LRP1B: variants seen among roughly 807,000 people sequenced by gnomAD.
LRP1B encodes low-density lipoprotein receptor-related protein 1B.
A neutral mutation model predicts 556.6 loss-of-function variants in LRP1B; 217 were observed. The ratio of observed to expected loss-of-function variants is 0.39; its 90% CI spans 0.35 to 0.44. The LOEUF is 0.44. Among genes scored for constraint, LRP1B ranks in the 20% least tolerant of loss-of-function variants. The pLI is 1.00. For synonymous variants in LRP1B, 2,047 were observed against 1,865.8 expected, an observed-to-expected ratio of 1.10 and a Z score of -2.50; for missense variants, 5,053 against 5,620.8, an observed-to-expected ratio of 0.90 and a Z score of 3.23.
chr2:140,381,230 A>G (rs1251651506), intron 67 of LRP1B, among the ~76,000 whole-genome samples: 1 of 152,258 alleles, frequency 6.6e-6, no homozygotes, highest in South Asian at 2.1e-4. Flanking sequence ...TCTTATTTGG[A>G]TAAAATAAAA....
At chr2:141,720,551 T>C (rs1291966762) in intron 2 of LRP1B, among the ~76,000 whole-genome samples, 11 of 152,122 alleles carry the variant, frequency 7.2e-5, no homozygotes, top group Admixed American at 7.2e-4. Flanking sequence ...CTCTTCAGTA[T>C]GAAGAGATGA....
chr2:141,649,837 AT>A (rs933088459), intron 2 of LRP1B, among the ~76,000 whole-genome samples: 60 of 152,342 alleles, frequency 3.9e-4, no homozygotes, highest in African/African-American at 1.4e-3. Context: ...GAAAATGAAT[AT>A]TAAAGTAAGT....
At chr2:141,309,122 G>A (rs1191040010) in intron 3 of LRP1B, among the ~76,000 whole-genome samples, 3 of 152,144 alleles carry the variant, frequency 2.0e-5, no homozygotes, top group East Asian at 3.8e-4. Flanking sequence ...GTGAGATACT[G>A]CCAGGATTCT....
In LRP1B at chr2:140,850,344, G is replaced by T. The variant is rs764518853; in HGVS notation, c.4712-15C>A. ...TTTTTTCATTTCTAAAAAAGAAATAGAAATTCTTTTCTCTTATGAAGTTGG... is the reference window on the plus strand; with the variant it reads ...TTTTTTCATTTCTAAAAAAGAAATATAAATTCTTTTCTCTTATGAAGTTGG... On this transcript the variant is annotated splice_polypyrimidine_tract_variant and intron_variant, in intron 28 of 90. Transcript: ENST00000389484. 18 of 1,492,620 alleles carry T rather than the reference G, an allele frequency of 1.2e-5. No homozygotes were observed. The highest frequency in any genetic ancestry group is 1.6e-5 in the Non-Finnish European group (17 of 1,084,214). 92.5% of individuals were successfully genotyped at this position (1,492,620 alleles called of 1,614,324 possible).
At chr2:142,080,024 A>G (rs1490369920) in intron 1 of LRP1B, among the ~76,000 whole-genome samples, 1 of 152,066 alleles carries the variant, frequency 6.6e-6, no homozygotes, top group Admixed American at 6.6e-5. Context: ...TTGCTTACAA[A>G]CATTGAAAAG....
At chr2:140,918,540 T>C (rs138402923) in intron 21 of LRP1B, among the ~76,000 whole-genome samples, 1 of 152,240 alleles carries the variant, frequency 6.6e-6, no homozygotes, top group Non-Finnish European at 1.5e-5. Flanking sequence ...AAGCAAAGTG[T>C]CTGCTTCCTG....
chr2:140,934,968 A>G (rs1695161052), intron 20 of LRP1B, among the ~76,000 whole-genome samples: 1 of 152,208 alleles, frequency 6.6e-6, no homozygotes, highest in South Asian at 2.1e-4. Context: ...CAGGCTAAGA[A>G]AGACCTGAAA....
chr2:141,503,594 A>G (rs1683809416), intron 2 of LRP1B, among the ~76,000 whole-genome samples: 1 of 152,086 alleles, frequency 6.6e-6, no homozygotes, highest in Non-Finnish European at 1.5e-5. Context: ...TCCTCCTTCT[A>G]TCTGTATAAT....
chr2:140,715,871 AT>A lies in LRP1B; in HGVS notation c.6023+101del. ...TTTCTGCTTAGGTAAGATATTCTTG[AT>A]TTTGTCTCAGACATTACAGCTAAAA... On this transcript the variant is annotated intron_variant, in intron 37 of 90. Transcript: ENST00000389484. The A allele has an allele frequency of 3.2e-6, 3 of 950,656 alleles. No individual in the cohort carries two copies. In the East Asian group the frequency reaches 7.7e-5, roughly 24 times the overall value. 58.9% of individuals were successfully genotyped at this position (950,656 alleles called of 1,614,324 possible). A position where few individuals can be genotyped will look rare whatever the true frequency, so the allele number is the denominator to read the frequency against.
In LRP1B at chr2:141,181,684, G is replaced by A. The variant is rs1681001922; in HGVS notation, c.1013+6737C>T. ...CAATTTGCCTTCCATTTCCACTAAA[G>A]TATTCACTGCATATAAACCACTCCA... is the stretch of plus-strand genomic sequence containing the variant. On this transcript the variant is annotated intron_variant, in intron 7 of 90. Coordinates refer to ENST00000389484, the MANE Select transcript of LRP1B (RefSeq NM_018557.3). 2.6e-5 allele frequency among the ~76,000 whole-genome samples: 4 copies of A among 152,008 alleles called. No homozygotes were observed. In the South Asian group the frequency reaches 8.3e-4, roughly 31 times the overall value.
chr2:141,812,923 T>C (rs553421127), intron 1 of LRP1B, among the ~76,000 whole-genome samples: 3 of 152,082 alleles, frequency 2.0e-5, no homozygotes, highest in South Asian at 2.1e-4. Context: ...ATAAAACTTA[T>C]GATATATAGA....
intron 41 of LRP1B, among the ~76,000 whole-genome samples, chr2:140,652,339 A>C (rs1684718712): frequency 6.6e-6 from 1 of 152,116 alleles, no homozygotes. Flanking sequence ...TTATAAAATG[A>C]CTAAATACAC....
chr2:141,156,720 T>C (rs112036609), intron 7 of LRP1B, among the ~76,000 whole-genome samples: 33 of 151,984 alleles, frequency 2.2e-4, no homozygotes, highest in African/African-American at 6.5e-4. Context: ...CTCTCATAGA[T>C]ATATATAAAA....
At chr2:140,733,442 A>G (rs553494742) in intron 35 of LRP1B, among the ~76,000 whole-genome samples, 2 of 152,296 alleles carry the variant, frequency 1.3e-5, no homozygotes, top group African/African-American at 4.8e-5. Context: ...TTTTGAATAT[A>G]AGAGCCAAAA....
intron 66 of LRP1B, among the ~76,000 whole-genome samples, chr2:140,404,224 G>A (rs1684633713): frequency 6.9e-6 from 1 of 144,104 alleles, no homozygotes; most frequent in Admixed American, 7.0e-5. Flanking sequence ...TCCCAGGCTG[G>A]AGTGCAGTGG....
intron 18 of LRP1B, among the ~76,000 whole-genome samples, chr2:140,958,176 AT>A (rs1481613593): frequency 6.6e-6 from 1 of 151,548 alleles, no homozygotes; most frequent in East Asian, 1.9e-4. Flanking sequence ...GGTGACTAAA[AT>A]TCAGCAGACC....
chr2:141,211,087 A>C (rs1165492611), intron 6 of LRP1B, among the ~76,000 whole-genome samples: 1 of 152,032 alleles, frequency 6.6e-6, no homozygotes, highest in African/African-American at 2.4e-5. Context: ...TTCCAGGTTC[A>C]AGCGATTCTC....
At chr2:141,595,872 C>T (rs1687496302) in intron 2 of LRP1B, among the ~76,000 whole-genome samples, 1 of 151,890 alleles carries the variant, frequency 6.6e-6, no homozygotes. Context: ...TAACTAGTCG[C>T]TGAAAGTTAA....
At chr2:141,412,911 A>C (rs935509997) in intron 3 of LRP1B, among the ~76,000 whole-genome samples, 3 of 152,066 alleles carry the variant, frequency 2.0e-5, no homozygotes, top group African/African-American at 7.2e-5. Flanking sequence ...TTATATGACA[A>C]AGAAGACTCT....
Sources: allele counts gnomAD v4.1 joint callset (sites outside exome capture counted in the v4.1 genomes callset), GRCh38; gene constraint gnomAD v4.1.1; transcripts MANE v1.5; gene names NCBI Gene and HGNC (gene_info 2026-07-23, HGNC 2026-07-21).